Variants in RAVER2 observed in about 807,000 individuals in gnomAD.
RAVER2 encodes the protein ribonucleoprotein PTB-binding 2.
A neutral mutation model predicts 78.1 loss-of-function variants in RAVER2; 46 were observed. The observed-to-expected ratio is 0.59, with a 90% CI of 0.46 to 0.75. The LOEUF (loss-of-function observed/expected upper bound fraction) is 0.75, where lower values mean the gene tolerates loss of function less well. Among genes scored for constraint, RAVER2 ranks in the 30% least tolerant of loss-of-function variants. The pLI, the probability that RAVER2 is intolerant of heterozygous loss-of-function variation, is 0.00. For synonymous variants in RAVER2, 311 were observed against 313.3 expected (o/e 0.99, Z 0.08); for missense variants, 793 against 837.5 (o/e 0.95, Z 0.66).
intron 3 of RAVER2, among the ~76,000 whole-genome samples, chr1:64,779,764 T>G (rs937490335): frequency 6.6e-6 from 1 of 151,710 alleles, no homozygotes; most frequent in African/African-American, 2.4e-5. Context: ...TATCATAAAT[T>G]GTATTTGAAT....
At chr1:64,789,831 T>C (rs1309354423) in intron 5 of RAVER2, among the ~76,000 whole-genome samples, 2 of 152,202 alleles carry the variant, frequency 1.3e-5, no homozygotes, top group Non-Finnish European at 2.9e-5. Flanking sequence ...TACATTGTTA[T>C]AACCTATATT....
intron 11 of RAVER2, among the ~76,000 whole-genome samples, chr1:64,820,969 G>A (rs1653874932): frequency 6.6e-6 from 1 of 152,178 alleles, no homozygotes; most frequent in Admixed American, 6.5e-5. Flanking sequence ...TTAGCTCTTT[G>A]AGGTATTGCT....
chr1:64,761,492 A>T (rs1260884254), intron 1 of RAVER2, among the ~76,000 whole-genome samples: 1 of 152,228 alleles, frequency 6.6e-6, no homozygotes, highest in Non-Finnish European at 1.5e-5. Context: ...CAATGGGTGC[A>T]GAAAAAGCAC....
intron 2 of RAVER2, among the ~76,000 whole-genome samples, chr1:64,772,535 A>G (rs373954296): frequency 5.9e-5 from 9 of 152,186 alleles, no homozygotes; most frequent in African/African-American, 1.2e-4. Context: ...GATGTGATCT[A>G]TGCAATAATC....
At chr1:64,818,725 A>C (rs771556986) in intron 11 of RAVER2, among the ~76,000 whole-genome samples, 2 of 152,186 alleles carry the variant, frequency 1.3e-5, no homozygotes, top group Non-Finnish European at 2.9e-5. Context: ...AGAAAGCTGC[A>C]GTCTCACTAG....
intron 4 of RAVER2, 136 bp downstream of exon 4, chr1:64,781,707 CTT>C: frequency 1.1e-6 from 1 of 902,420 alleles, no homozygotes; most frequent in Non-Finnish European, 1.6e-6. Flanking sequence ...AAGACTTTTC[CTT>C]TTTTTTAAAA....
chr1:64,781,581 T>C lies in RAVER2; in HGVS notation c.978+10T>C, dbSNP rs757797518. 1 of 1,604,694 alleles carries C rather than the reference T, an allele frequency of 6.2e-7. No individual in the cohort carries two copies. Among genetic ancestry groups the C allele is most frequent in the Admixed American group, 1.7e-5 (1 of 57,480 alleles). On this transcript the variant is annotated intron_variant, in intron 4 of 11. Transcript: ENST00000294428. ...AGCGGCTCAACGTGTGGTAAGTTTT[T>C]TCTCTTTCTGTCTCTTTTTTTAGAG...
intron 1 of RAVER2, among the ~76,000 whole-genome samples, chr1:64,764,133 G>T (rs969498198): frequency 6.6e-6 from 1 of 152,072 alleles, no homozygotes; most frequent in African/African-American, 2.4e-5. Context: ...AAGAGGATTT[G>T]TTTTGTCAGA....
chr1:64,783,598 C>G (rs1036348908), intron 4 of RAVER2, among the ~76,000 whole-genome samples: 2 of 152,052 alleles, frequency 1.3e-5, no homozygotes, highest in Admixed American at 1.3e-4. Context: ...TTGTTTTTTT[C>G]TTGTAAATTT....
intron 4 of RAVER2, 112 bp from the exon 5 acceptor site, chr1:64,789,276 T>C: frequency 4.4e-6 from 4 of 898,976 alleles, no homozygotes. Flanking sequence ...AAATTATGTT[T>C]ATCATAAAAT....
At position 64,781,576 on chromosome 1, in the gene RAVER2, G is replaced by GT; in HGVS notation, c.978+11dup. On this transcript the variant is annotated splice_donor_region_variant and intron_variant, in intron 4 of 11. Coordinates refer to ENST00000294428, the Ensembl canonical transcript of RAVER2. ...TTGATAGCGGCTCAACGTGTGGTAA[G>GT]TTTTTTCTCTTTCTGTCTCTTTTTT... The GT allele has an allele frequency of 6.2e-7, 1 of 1,605,052 alleles. No individual in the cohort carries two copies. Among genetic ancestry groups the GT allele is most frequent in the Non-Finnish European group, 8.5e-7 (1 of 1,176,810 alleles).
At chr1:64,823,590 A>C (rs1653936411) in intron 11 of RAVER2, among the ~76,000 whole-genome samples, 1 of 152,190 alleles carries the variant, frequency 6.6e-6, no homozygotes, top group South Asian at 2.1e-4. Flanking sequence ...CTTAAAAGAG[A>C]AGCTTTTGAG....
At position 64,777,614 on chromosome 1, in the gene RAVER2, A is replaced by G. The variant is rs761769017; in HGVS notation, c.317-9A>G. The G allele has an allele frequency of 1.3e-6, 2 of 1,585,700 alleles. No individual in the cohort carries two copies. The highest frequency in any genetic ancestry group is 2.3e-5 in the South Asian group (2 of 87,164). On this transcript the variant is annotated splice_polypyrimidine_tract_variant and intron_variant, in intron 2 of 11. Coordinates refer to ENST00000294428, the Ensembl canonical transcript of RAVER2. ...TGAAAACTCTTTAATTCATTTCGTT[A>G]TCTTCCAGCTTTTGTTACCTTATTG... is the stretch of plus-strand genomic sequence containing the variant.
chr1:64,807,154 G>C lies in RAVER2; in HGVS notation c.1412-52G>C, dbSNP rs1354271006. 1.5e-5 allele frequency: 23 copies of C among 1,560,850 alleles called. No individual in the cohort carries two copies. In the East Asian group the frequency reaches 4.8e-4, roughly 32 times the overall value. ...ACTTAACAAAATTAAAAGGACTATT[G>C]TGAATAAATATTTTCTAACTAAAAG... is the stretch of plus-strand genomic sequence containing the variant. On this transcript the variant is annotated intron_variant, in intron 8 of 11. Coordinates refer to ENST00000294428, the Ensembl canonical transcript of RAVER2.
At chr1:64,747,856 A>G (rs1651586859) in intron 1 of RAVER2, among the ~76,000 whole-genome samples, 1 of 152,172 alleles carries the variant, frequency 6.6e-6, no homozygotes, top group African/African-American at 2.4e-5. Context: ...GATCAAAGAC[A>G]TTCATAACTC....
At chr1:64,747,361 A>G (rs1183920539) in intron 1 of RAVER2, among the ~76,000 whole-genome samples, 1 of 152,190 alleles carries the variant, frequency 6.6e-6, no homozygotes, top group Non-Finnish European at 1.5e-5. Flanking sequence ...AGTAAGGCCT[A>G]CATAAAATCA....
intron 1 of RAVER2, among the ~76,000 whole-genome samples, chr1:64,751,009 G>A (rs980579089): frequency 6.6e-6 from 1 of 152,210 alleles, no homozygotes; most frequent in African/African-American, 2.4e-5. Flanking sequence ...CTTGAAAAGT[G>A]TTTGAGAAAT....
At chr1:64,777,963 T>C (rs1389819823) in exon 3 of RAVER2, 3 of 1,614,118 alleles carry the variant, frequency 1.9e-6, no homozygotes, top group Admixed American at 3.3e-5. Context: ...AATGGATGGA[T>C]GTTAATCTAT....
exon 5 of RAVER2, chr1:64,789,453 C>A: frequency 6.2e-7 from 1 of 1,609,898 alleles, no homozygotes; most frequent in South Asian, 1.1e-5. Flanking sequence ...AAAGTTTAAA[C>A]AACCCTGCCA....
Sources: allele counts gnomAD v4.1 joint callset (sites outside exome capture counted in the v4.1 genomes callset), GRCh38; gene constraint gnomAD v4.1.1; transcripts MANE v1.5; gene names NCBI Gene and HGNC (gene_info 2026-07-23, HGNC 2026-07-21).